ENPP2: variants seen among roughly 807,000 people sequenced by gnomAD.
ENPP2 encodes the protein autotaxin.
In ENPP2, 51 loss-of-function variants were observed where a neutral mutation model predicts 120.2. The observed-to-expected ratio is 0.42, with a 90% CI of 0.34 to 0.54. ENPP2 has a LOEUF of 0.54. ENPP2 is among the 20% of genes least tolerant of loss of function. ENPP2 has a pLI of 0.04. For missense variants in ENPP2, 920 were observed against 1,066.5 expected (o/e 0.86, Z 1.91); for synonymous variants, 365 against 366.4 (o/e 1.00, Z 0.04).
chr8:119,587,203 T>C (rs1813176574), intron 13 of ENPP2, 128 bp from the exon 14 acceptor site: 2 of 780,230 alleles, frequency 2.6e-6, no homozygotes, highest in Middle Eastern at 2.5e-4. Context: ...AGTGTTTTGT[T>C]TGAAAGATAA....
intron 11 of ENPP2, 96 bp downstream of exon 11, chr8:119,600,582 C>A: frequency 1.3e-6 from 1 of 777,058 alleles, no homozygotes; most frequent in Non-Finnish European, 2.1e-6. Flanking sequence ...TAGATACAAA[C>A]ATCCATCCAG....
In ENPP2 at chr8:119,616,373, T is replaced by G; in HGVS notation, c.669A>C (p.Pro223=). The part of the protein sequence containing the change: ...NLYTLATGLY[P]ESHGIVGNSM... ...AATTGCCAACAATTCCATGTGATTC[T>G]GGATATAGCCCCTTTTTGTAAAAGC... The change falls in exon 8 of 25, where the codon CCA becomes CCC. Residue 223 remains proline (P), a synonymous_variant. Transcript: ENST00000075322. The G allele has an allele frequency of 1.9e-6, 3 of 1,603,138 alleles. No individual in the cohort carries two copies. The highest frequency in any genetic ancestry group is 1.7e-6 in the Non-Finnish European group (2 of 1,171,876).
At chr8:119,621,621 C>T (rs1815903861) in intron 3 of ENPP2, 102 bp from the exon 4 acceptor site, 4 of 1,251,728 alleles carry the variant, frequency 3.2e-6, no homozygotes, top group Admixed American at 1.8e-5. Context: ...TAAAATCTCA[C>T]ATCATTTACT....
chr8:119,558,429 G>C (rs568133469), intron 24 of ENPP2, among the ~76,000 whole-genome samples: 1 of 152,042 alleles, frequency 6.6e-6, no homozygotes, highest in African/African-American at 2.4e-5. Context: ...GGGAAGAAGC[G>C]GGGGGAAAGG....
At chr8:119,568,275 G>A in intron 21 of ENPP2, 23 bp from the exon 22 acceptor site, 1 of 1,304,522 alleles carries the variant, frequency 7.7e-7, no homozygotes, top group Non-Finnish European at 1.1e-6. Context: ...AAAACAAATA[G>A]TATACGTTGC....
At chr8:119,605,761 C>T (rs1458946425) in intron 9 of ENPP2, among the ~76,000 whole-genome samples, 3 of 152,132 alleles carry the variant, frequency 2.0e-5, no homozygotes, top group African/African-American at 7.2e-5. Context: ...GCCACCATAC[C>T]CAGCCGAAGA....
chr8:119,661,468 C>T lies in ENPP2; in HGVS notation c.21+11784G>A, dbSNP rs190369779. On this transcript the variant is annotated intron_variant, in intron 1 of 25. Transcript: ENST00000427067. ...AAGCAAAACCACAATGAAATATCAC[C>T]TCGGACCTGTTAGAATATCTGCTAT... Among the ~76,000 whole-genome samples, 14 of 152,286 alleles carry T rather than the reference C, an allele frequency of 9.2e-5. No homozygotes were observed. The East Asian group carries it at 2.7e-3, about 29-fold the overall frequency.
At chr8:119,631,126 C>T (rs1250928126) in intron 2 of ENPP2, among the ~76,000 whole-genome samples, 1 of 150,688 alleles carries the variant, frequency 6.6e-6, no homozygotes, top group Non-Finnish European at 1.5e-5. Flanking sequence ...GAACTCCTGA[C>T]CTCGTGATCC....
upstream of ENPP2, chr8:119,638,971 C>T (rs1224865717): frequency 1.5e-6 from 1 of 649,314 alleles, no homozygotes; most frequent in African/African-American, 1.8e-5. Flanking sequence ...GCCTAAGAGG[C>T]TTAAGCTATC....
At position 119,571,962 on chromosome 8, in the gene ENPP2, T is replaced by G. The variant is rs572179186; in HGVS notation, c.1781-1121A>C. The G allele has an allele frequency of 4.7e-5, 23 of 486,870 alleles. 1 individual carries two copies. In the South Asian group the frequency reaches 5.4e-4, roughly 11 times the overall value. The allele number at this position is 486,870 out of a possible 1,614,324, so 30.2% of individuals were successfully genotyped here. ...GGCCCACACTATTACAACACAAGCC[T>G]GTTCTGGGTAGTTCGGCTGCTCCAG... On this transcript the variant is annotated intron_variant, in intron 19 of 24. Transcript: ENST00000075322.
chr8:119,654,762 C>G (rs1817722050), intron 1 of ENPP2, among the ~76,000 whole-genome samples: 1 of 152,074 alleles, frequency 6.6e-6, no homozygotes, highest in Admixed American at 6.6e-5. Flanking sequence ...TCAGCAAAGG[C>G]TAGGTGGTGG....
intron 11 of ENPP2, among the ~76,000 whole-genome samples, chr8:119,599,734 G>C (rs951363923): frequency 6.6e-6 from 1 of 152,162 alleles, no homozygotes; most frequent in African/African-American, 2.4e-5. Flanking sequence ...AGCTGGGTGT[G>C]GTGGCTCACG....
rs577050421 is a variant in ENPP2, at chr8:119,596,814, G to A, written c.973-2954C>T. The stretch of plus-strand genomic sequence containing the variant: ...TATCAGAAACCTGCTTTTAAGGGGC[G>A]TTGCATGCTATGGGTTTTGTTTTGA... On this transcript the variant is annotated intron_variant, in intron 11 of 24. Transcript: ENST00000075322. Among the ~76,000 whole-genome samples, 22 of 152,278 alleles carry A rather than the reference G, an allele frequency of 1.4e-4. No homozygotes were observed. The South Asian group carries it at 3.1e-3, about 22-fold the overall frequency.
chr8:119,628,335 C>T (rs1816424820), intron 2 of ENPP2, among the ~76,000 whole-genome samples: 2 of 152,096 alleles, frequency 1.3e-5, no homozygotes, highest in South Asian at 4.1e-4. Flanking sequence ...TTAGAAAGAC[C>T]TATCAACATG....
intron 3 of ENPP2, among the ~76,000 whole-genome samples, chr8:119,625,837 A>G (rs1170246246): frequency 6.6e-6 from 1 of 152,214 alleles, no homozygotes; most frequent in Non-Finnish European, 1.5e-5. Context: ...AAGCCTGTAC[A>G]TCCTAGTAAC....
intron 2 of ENPP2, among the ~76,000 whole-genome samples, chr8:119,629,906 T>C (rs904965970): frequency 3.3e-5 from 5 of 152,152 alleles, no homozygotes; most frequent in African/African-American, 1.2e-4. Flanking sequence ...ATAGACTCAT[T>C]TCAACAGCGT....
chr8:119,652,030 T>TA (rs964311867), intron 1 of ENPP2, among the ~76,000 whole-genome samples: 3 of 152,254 alleles, frequency 2.0e-5, no homozygotes, highest in African/African-American at 7.2e-5. Context: ...CATGCTTCTA[T>TA]AAAAAAATAC....
intron 9 of ENPP2, among the ~76,000 whole-genome samples, chr8:119,606,064 G>C (rs936579823): frequency 2.0e-5 from 3 of 152,018 alleles, no homozygotes; most frequent in Admixed American, 6.6e-5. Context: ...GTTTGAATCA[G>C]GTTCTAAATT....
chr8:119,620,424 G>A (rs1332413782), intron 4 of ENPP2, among the ~76,000 whole-genome samples: 1 of 152,018 alleles, frequency 6.6e-6, no homozygotes, highest in Non-Finnish European at 1.5e-5. Context: ...TTGGGTATGG[G>A]GAAATTCTTC....
Sources: allele counts gnomAD v4.1 joint callset (sites outside exome capture counted in the v4.1 genomes callset), GRCh38; gene constraint gnomAD v4.1.1; transcripts MANE v1.5; gene names NCBI Gene and HGNC (gene_info 2026-07-23, HGNC 2026-07-21).